Variants in ALK observed in about 807,000 individuals in gnomAD.
The protein encoded by ALK is ALK tyrosine kinase receptor.
A neutral mutation model predicts 163.1 loss-of-function variants in ALK; 74 were observed. That is an observed-to-expected ratio of 0.45 (90% CI 0.38 to 0.55). ALK has a LOEUF of 0.55. Among genes scored for constraint, ALK ranks in the 20% least tolerant of loss-of-function variants. The probability of loss-of-function intolerance (pLI) is 0.00; values close to 1 mark genes in which losing one functional copy is unlikely to be tolerated. For missense variants in ALK, 2,063 were observed against 2,105.3 expected, an observed-to-expected ratio of 0.98 and a Z score of 0.39; for synonymous variants, 960 against 843.2, an observed-to-expected ratio of 1.14 and a Z score of -2.40.
intron 1 of ALK, among the ~76,000 whole-genome samples, chr2:29,773,327 G>A (rs1238656207): frequency 6.6e-6 from 1 of 152,040 alleles, no homozygotes; most frequent in Non-Finnish European, 1.5e-5. Context: ...AATTGCTCAG[G>A]AATGAGGAAT....
intron 3 of ALK, among the ~76,000 whole-genome samples, chr2:29,654,295 T>A (rs1240905307): frequency 6.6e-6 from 1 of 152,170 alleles, no homozygotes. Context: ...TAAGAGTATA[T>A]GATCTTCAGC....
At chr2:29,904,895 C>T (rs991857179) in intron 1 of ALK, among the ~76,000 whole-genome samples, 6 of 152,216 alleles carry the variant, frequency 3.9e-5, no homozygotes, top group African/African-American at 1.4e-4. Context: ...TAGAGAATTA[C>T]ACTCTGTCTG....
intron 4 of ALK, among the ~76,000 whole-genome samples, chr2:29,454,588 T>A (rs1001336765): frequency 6.6e-6 from 1 of 152,146 alleles, no homozygotes; most frequent in African/African-American, 2.4e-5. Context: ...GGCTCAAAAT[T>A]TGGGGTGTCT....
chr2:29,409,934 C>T (rs1669687461), intron 4 of ALK, among the ~76,000 whole-genome samples: 1 of 152,126 alleles, frequency 6.6e-6, no homozygotes, highest in African/African-American at 2.4e-5. Context: ...CTGCTTGGAC[C>T]TTGAACTGGG....
intron 1 of ALK, among the ~76,000 whole-genome samples, chr2:29,794,713 G>T (rs1409081765): frequency 6.6e-6 from 1 of 152,160 alleles, no homozygotes. Context: ...AGAGCAATCA[G>T]AGCACACAAT....
Position 29,854,280 on chromosome 2 carries a change from T to C in ALK, c.667+65713A>G, listed in dbSNP as rs370762454. Among the ~76,000 whole-genome samples the C allele has an allele frequency of 9.8e-5, 15 of 152,324 alleles. No homozygotes were observed. In the East Asian group the frequency reaches 2.5e-3, roughly 25 times the overall value. ...GGATGTTTGTCCCCTCCAAATCTCA[T>C]GTTGAAATGTGATCCCCAATGCTGG... On this transcript the variant is annotated intron_variant, in intron 1 of 28. Coordinates refer to ENST00000389048, the MANE Select transcript of ALK (RefSeq NM_004304.5).
At chr2:29,703,346 C>T (rs1271425937) in intron 2 of ALK, among the ~76,000 whole-genome samples, 1 of 152,196 alleles carries the variant, frequency 6.6e-6, no homozygotes, top group Non-Finnish European at 1.5e-5. Flanking sequence ...ATGTCTATGG[C>T]CATATGTCTT....
chr2:29,292,091 C>A (rs190303260), intron 9 of ALK, among the ~76,000 whole-genome samples: 10 of 152,286 alleles, frequency 6.6e-5, no homozygotes, highest in African/African-American at 2.4e-4. Flanking sequence ...GCAAAGGGAA[C>A]AGGAAATCTA....
intron 3 of ALK, among the ~76,000 whole-genome samples, chr2:29,592,908 C>G (rs146800497): frequency 6.6e-6 from 1 of 152,276 alleles, no homozygotes; most frequent in East Asian, 1.9e-4. Flanking sequence ...TCCCTGGAGT[C>G]TTGGGAGGGA....
intron 1 of ALK, among the ~76,000 whole-genome samples, chr2:29,767,155 T>A (rs1680887765): frequency 1.3e-5 from 2 of 152,262 alleles, no homozygotes; most frequent in African/African-American, 4.8e-5. Flanking sequence ...ATATAATTTT[T>A]ACTTTTCATT....
intron 7 of ALK, 112 bp downstream of exon 7, chr2:29,320,639 T>C: frequency 6.7e-7 from 1 of 1,492,332 alleles, no homozygotes; most frequent in South Asian, 1.1e-5. Context: ...CAAGCTTTGG[T>C]CAGACACCCG....
intron 1 of ALK, among the ~76,000 whole-genome samples, chr2:29,825,019 G>A (rs1665158998): frequency 6.6e-6 from 1 of 152,180 alleles, no homozygotes; most frequent in South Asian, 2.1e-4. Flanking sequence ...TTCCTGTGCT[G>A]TTCTCATGAT....
At position 29,213,563 on chromosome 2, in the gene ALK, G is replaced by A. The variant is rs1156542265; in HGVS notation, c.3743+421C>T. Among the ~76,000 whole-genome samples the A allele has an allele frequency of 2.0e-5, 3 of 152,196 alleles. No individual in the cohort carries two copies. The East Asian group carries it at 5.8e-4, about 29-fold the overall frequency. On this transcript the variant is annotated intron_variant, in intron 24 of 28. Coordinates refer to ENST00000389048, the MANE Select transcript of ALK (RefSeq NM_004304.5). ...ATAGGACTTGAACATTCAAGATACAGGCAGGGGTCCTCACAGGAGGTTAAG... is the reference window on the plus strand; with the variant it reads ...ATAGGACTTGAACATTCAAGATACAAGCAGGGGTCCTCACAGGAGGTTAAG...
At chr2:29,334,937 T>G (rs151246061) in intron 5 of ALK, among the ~76,000 whole-genome samples, 21 of 152,326 alleles carry the variant, frequency 1.4e-4, no homozygotes, top group African/African-American at 4.6e-4. Flanking sequence ...GAATGTATCC[T>G]TGGTGAATGA....
chr2:29,854,390 AAAGG>A (rs1373468363), intron 1 of ALK, among the ~76,000 whole-genome samples: 6 of 152,170 alleles, frequency 3.9e-5, no homozygotes, highest in African/African-American at 1.4e-4. Flanking sequence ...CTGGTTGTTT[AAAGG>A]AGCCTGGAAC....
At chr2:29,770,937 A>G (rs749747248) in intron 1 of ALK, among the ~76,000 whole-genome samples, 3 of 151,990 alleles carry the variant, frequency 2.0e-5, no homozygotes, top group African/African-American at 7.2e-5. Flanking sequence ...TCACACACAC[A>G]TAGACACACA....
chr2:29,540,022 A>G (rs1338203989), intron 3 of ALK, among the ~76,000 whole-genome samples: 1 of 152,162 alleles, frequency 6.6e-6, no homozygotes, highest in East Asian at 1.9e-4. Flanking sequence ...AGGACAAAAT[A>G]GTGGATATAG....
chr2:29,771,187 G>A (rs776550485), intron 1 of ALK, among the ~76,000 whole-genome samples: 4 of 151,342 alleles, frequency 2.6e-5, no homozygotes, highest in Non-Finnish European at 5.9e-5. Context: ...ATATGCACAC[G>A]TACACAAATA....
chr2:29,528,220 A>G lies in ALK; in HGVS notation c.1154+3695T>C, dbSNP rs984330238. 2.0e-5 allele frequency among the ~76,000 whole-genome samples: 3 copies of G among 152,214 alleles called. No homozygotes were observed. The East Asian group carries it at 5.8e-4, about 29-fold the overall frequency. ...CCCCAGATACCCGCTGCTGTGGGAA[A>G]AAGTCATGTGCTTCGAAAGGAAACA... On this transcript the variant is annotated intron_variant, in intron 4 of 28. Coordinates refer to ENST00000389048, the MANE Select transcript of ALK (RefSeq NM_004304.5).
Sources: gnomAD v4.1 joint callset for allele counts (sites outside exome capture counted in the v4.1 genomes callset) on GRCh38, gnomAD v4.1.1 for gene constraint, MANE v1.5 for transcripts, NCBI Gene and HGNC (gene_info 2026-07-23, HGNC 2026-07-21) for gene names.